The following TMEM74 variants were observed in gnomAD, a reference collection of about 807,000 sequenced individuals.
TMEM74 encodes the protein transmembrane protein 74.
In TMEM74, 13 loss-of-function variants were observed where a neutral mutation model predicts 18.1. The observed-to-expected ratio is 0.72, with a 90% confidence interval of 0.47 to 1.14. TMEM74 has a LOEUF of 1.14. TMEM74 is among the 50% of genes most tolerant of loss of function. TMEM74 has a pLI of 0.00. For missense variants in TMEM74, 372 were observed against 375.9 expected, an observed-to-expected ratio of 0.99 and a Z score of 0.09; for synonymous variants, 159 against 146.6, an observed-to-expected ratio of 1.08 and a Z score of -0.61.
At chr8:108,652,619 T>C in intron 2 of TMEM74, 1 of 628,038 alleles carries the variant, frequency 1.6e-6, no homozygotes. Flanking sequence ...ATAGTTGCAG[T>C]AAAGAAGGCA....
chr8:108,616,021 G>T (rs1275170739), intron 2 of TMEM74, among the ~76,000 whole-genome samples: 1 of 152,122 alleles, frequency 6.6e-6, no homozygotes, highest in Non-Finnish European at 1.5e-5. Context: ...TCTTGACCTC[G>T]TGATCCGCCT....
intron 1 of TMEM74, among the ~76,000 whole-genome samples, chr8:108,657,859 A>AATATATAT (rs1175396487): frequency 5.6e-4 from 28 of 49,874 alleles, no homozygotes; most frequent in Admixed American, 1.0e-3. Flanking sequence ...AAAAAAAAAA[A>AATATATAT]ATATATATAT....
At chr8:108,650,562 A>G (rs1042073667) in intron 2 of TMEM74, among the ~76,000 whole-genome samples, 2 of 152,100 alleles carry the variant, frequency 1.3e-5, no homozygotes, top group South Asian at 2.1e-4. Flanking sequence ...TCCCTTGACT[A>G]TGTTGGCCTT....
At chr8:108,648,445 C>A (rs1812742474) in intron 2 of TMEM74, among the ~76,000 whole-genome samples, 1 of 152,214 alleles carries the variant, frequency 6.6e-6, no homozygotes, top group South Asian at 2.1e-4. Flanking sequence ...CACTACCCCG[C>A]AAAGATGTCC....
chr8:108,628,259 C>T (rs574296431), intron 2 of TMEM74, among the ~76,000 whole-genome samples: 3 of 152,018 alleles, frequency 2.0e-5, no homozygotes, highest in African/African-American at 7.2e-5. Flanking sequence ...TAATTTATCA[C>T]CTTTTTGAAT....
intron 1 of TMEM74, among the ~76,000 whole-genome samples, chr8:108,677,543 G>T (rs951469116): frequency 6.5e-5 from 9 of 137,652 alleles, no homozygotes; most frequent in Non-Finnish European, 1.3e-4. Flanking sequence ...TTAGTATTCT[G>T]TTGTTTTTTT....
rs564063087 is a variant in TMEM74, at chr8:108,641,409, A to C, written n.264+13884T>G. ...TTTAATGATGACTTTCAGGGACAGC[A>C]TGCCACTGCCACGGCCCAAATCCTG... is the stretch of plus-strand genomic sequence containing the variant. On this transcript the variant is annotated intron_variant and non_coding_transcript_variant, in intron 2 of 3. Transcript: ENST00000518838. 3.9e-5 allele frequency among the ~76,000 whole-genome samples: 6 copies of C among 152,250 alleles called. No individual in the cohort carries two copies. The East Asian group carries it at 1.2e-3, about 29-fold the overall frequency.
intron 1 of TMEM74, among the ~76,000 whole-genome samples, chr8:108,744,041 T>C (rs1813825980): frequency 6.6e-6 from 1 of 152,124 alleles, no homozygotes; most frequent in Non-Finnish European, 1.5e-5. Context: ...CAATGTTTAG[T>C]GCACCTGCGC....
At chr8:108,763,398 A>C (rs1814067592) in intron 1 of TMEM74, among the ~76,000 whole-genome samples, 1 of 152,132 alleles carries the variant, frequency 6.6e-6, no homozygotes, top group Non-Finnish European at 1.5e-5. Context: ...ATAAACACAA[A>C]CCTAGGCATG....
chr8:108,787,250 G>A lies in TMEM74; in HGVS notation c.-40+226C>T, dbSNP rs372725919. On this transcript the variant is annotated intron_variant, in intron 1 of 1. Coordinates refer to ENST00000297459, the MANE Select transcript of TMEM74 (RefSeq NM_153015.3). ...CCTGTGCGAGCAAAGCCGGGAGAGC[G>A]AGCCCCAAGCACCTGGCAGCGGTGC... Among the ~76,000 whole-genome samples, 20 of 152,270 alleles carry A rather than the reference G, an allele frequency of 1.3e-4. No homozygotes were observed. The East Asian group carries it at 3.5e-3, about 27-fold the overall frequency.
chr8:108,651,888 C>T (rs756738599), intron 2 of TMEM74, among the ~76,000 whole-genome samples: 1 of 151,100 alleles, frequency 6.6e-6, no homozygotes, highest in African/African-American at 2.4e-5. Flanking sequence ...CTGGAGAGTA[C>T]GTTGAGATTA....
At chr8:108,647,770 G>A (rs902570873) in intron 2 of TMEM74, among the ~76,000 whole-genome samples, 2 of 152,086 alleles carry the variant, frequency 1.3e-5, no homozygotes, top group African/African-American at 4.8e-5. Flanking sequence ...TATGGTCTAG[G>A]ATGAAAGGCA....
intron 3 of TMEM74, among the ~76,000 whole-genome samples, chr8:108,608,187 G>A (rs1447943348): frequency 1.3e-5 from 2 of 151,356 alleles, no homozygotes; most frequent in East Asian, 3.9e-4. Flanking sequence ...CTGTAGTCCC[G>A]GCTATTCGAG....
intron 1 of TMEM74, among the ~76,000 whole-genome samples, chr8:108,664,663 C>T (rs999234923): frequency 2.6e-5 from 4 of 152,062 alleles, no homozygotes; most frequent in Non-Finnish European, 5.9e-5. Context: ...CCAGGAATTT[C>T]TTCCTTGCTT....
At chr8:108,617,102 C>T (rs1812391922) in intron 2 of TMEM74, among the ~76,000 whole-genome samples, 1 of 151,696 alleles carries the variant, frequency 6.6e-6, no homozygotes, top group Non-Finnish European at 1.5e-5. Context: ...CACATGTCAC[C>T]TGATCACTGA....
At chr8:108,617,721 GGAGA>G in intron 2 of TMEM74, among the ~76,000 whole-genome samples, 1 of 152,134 alleles carries the variant, frequency 6.6e-6, no homozygotes, top group Non-Finnish European at 1.5e-5. Flanking sequence ...GAGATGTGGG[GGAGA>G]GAAAGTGGGG....
intron 1 of TMEM74, among the ~76,000 whole-genome samples, chr8:108,657,855 AAAAAAT>A (rs1307979220): frequency 2.5e-4 from 15 of 60,124 alleles, no homozygotes; most frequent in Admixed American, 2.0e-4. Flanking sequence ...AAAAAAAAAA[AAAAAAT>A]ATATATATAT....
chr8:108,712,884 T>C (rs1379601922), intron 1 of TMEM74, among the ~76,000 whole-genome samples: 1 of 152,130 alleles, frequency 6.6e-6, no homozygotes, highest in Non-Finnish European at 1.5e-5. Context: ...TTGTGGGACA[T>C]TGCTTCCTGG....
In TMEM74 at chr8:108,757,527, G is replaced by A. The variant is rs538721212; in HGVS notation, n.119+29949C>T. On this transcript the variant is annotated intron_variant and non_coding_transcript_variant, in intron 1 of 3. Transcript: ENST00000518838. ...GAGATATTCACAAGCTTATATAATA[G>A]AGTAAGTTAATTAGTCACTTTTATC... Among the ~76,000 whole-genome samples the A allele has an allele frequency of 1.8e-4, 27 of 151,944 alleles. 2 individuals are homozygous for A. In the South Asian group the frequency reaches 3.1e-3, roughly 18 times the overall value.
Sources: allele counts gnomAD v4.1 joint callset (sites outside exome capture counted in the v4.1 genomes callset), GRCh38; gene constraint gnomAD v4.1.1; transcripts MANE v1.5; gene names NCBI Gene and HGNC (gene_info 2026-07-23, HGNC 2026-07-21).